FER: variants seen among roughly 807,000 people sequenced by gnomAD.
FER encodes the protein FER tyrosine kinase.
Under a neutral mutation model 111.0 loss-of-function variants are expected in FER, and 63 were observed. The ratio of observed to expected loss-of-function variants is 0.57; its 90% CI spans 0.46 to 0.70. The LOEUF is 0.70. Among genes scored for constraint, FER ranks in the 30% least tolerant of loss-of-function variants. The probability of loss-of-function intolerance (pLI) is 0.00; values close to 1 mark genes in which losing one functional copy is unlikely to be tolerated. For synonymous variants in FER, 327 were observed against 313.9 expected (o/e 1.04, Z -0.44); for missense variants, 914 against 954.0 (o/e 0.96, Z 0.55).
intron 13 of FER, among the ~76,000 whole-genome samples, chr5:109,014,154 G>A (rs1300956962): frequency 1.3e-5 from 2 of 151,330 alleles, no homozygotes; most frequent in South Asian, 2.1e-4. Flanking sequence ...TGAAGTCCTT[G>A]CCCATGCCTA....
intron 16 of FER, among the ~76,000 whole-genome samples, chr5:109,058,201 C>T (rs1312315284): frequency 6.6e-6 from 1 of 152,040 alleles, no homozygotes; most frequent in Non-Finnish European, 1.5e-5. Context: ...AGAAAACTTC[C>T]TCATTATGAT....
At chr5:109,015,205 C>A (rs1247489327) in intron 13 of FER, among the ~76,000 whole-genome samples, 1 of 152,068 alleles carries the variant, frequency 6.6e-6, no homozygotes, top group Non-Finnish European at 1.5e-5. Flanking sequence ...CATGTGCTAG[C>A]CCCTTTGCAG....
At chr5:108,794,370 T>C (rs969237050) in intron 2 of FER, among the ~76,000 whole-genome samples, 4 of 151,770 alleles carry the variant, frequency 2.6e-5, no homozygotes, top group African/African-American at 9.7e-5. Flanking sequence ...TGTGCCCGCC[T>C]CCACGCCCAG....
chr5:109,106,908 G>C (rs1749001574), intron 17 of FER, among the ~76,000 whole-genome samples: 1 of 152,140 alleles, frequency 6.6e-6, no homozygotes, highest in Non-Finnish European at 1.5e-5. Context: ...ACAAAAATGA[G>C]AGATTTGGAG....
chr5:109,010,171 CCTT>C (rs989003105), intron 13 of FER, among the ~76,000 whole-genome samples: 16 of 149,562 alleles, frequency 1.1e-4, no homozygotes, highest in African/African-American at 3.2e-4. Context: ...TCTTTTTTAT[CCTT>C]CTTTTTTTTG....
At chr5:109,132,921 A>G (rs1752513811) in intron 17 of FER, among the ~76,000 whole-genome samples, 1 of 152,150 alleles carries the variant, frequency 6.6e-6, no homozygotes, top group Admixed American at 6.6e-5. Flanking sequence ...AGCAGTTGAG[A>G]GAAGAGCTGT....
At chr5:109,146,741 G>A (rs1448066418) in intron 17 of FER, among the ~76,000 whole-genome samples, 2 of 150,832 alleles carry the variant, frequency 1.3e-5, no homozygotes, top group South Asian at 2.1e-4. Flanking sequence ...TGCCAGAGAT[G>A]CAGTACTGAC....
intron 13 of FER, among the ~76,000 whole-genome samples, chr5:109,034,694 T>G (rs890739686): frequency 1.3e-5 from 2 of 152,150 alleles, no homozygotes; most frequent in Non-Finnish European, 2.9e-5. Context: ...TTTGTGTTTT[T>G]GTTTCTACAT....
chr5:109,147,545 C>A (rs540458296), intron 17 of FER, among the ~76,000 whole-genome samples: 3 of 151,930 alleles, frequency 2.0e-5, no homozygotes, highest in African/African-American at 7.2e-5. Flanking sequence ...AAATATCCAA[C>A]AATCAAGTAT....
chr5:109,081,805 C>T (rs754979277), intron 16 of FER, among the ~76,000 whole-genome samples: 2 of 151,900 alleles, frequency 1.3e-5, no homozygotes, highest in Non-Finnish European at 2.9e-5. Flanking sequence ...AAAATCAATA[C>T]TCCTAAAGTA....
chr5:109,134,721 C>G (rs1188480661), intron 17 of FER, among the ~76,000 whole-genome samples: 3 of 152,238 alleles, frequency 2.0e-5, no homozygotes, highest in Non-Finnish European at 2.9e-5. Context: ...TGGATGAGTT[C>G]ACAATCTGCT....
chr5:108,948,854 A>G (rs1335546575), intron 11 of FER, among the ~76,000 whole-genome samples: 1 of 152,118 alleles, frequency 6.6e-6, no homozygotes, highest in Non-Finnish European at 1.5e-5. Context: ...GCAGTCTTTG[A>G]AAAATATTCT....
intron 13 of FER, chr5:109,014,822 G>A (rs1304787637): frequency 6.6e-6 from 1 of 152,220 alleles, no homozygotes; most frequent in Non-Finnish European, 1.5e-5. Flanking sequence ...GGATTCCTAG[G>A]TATTTTATTC....
intron 6 of FER, among the ~76,000 whole-genome samples, chr5:108,871,051 C>T (rs560709995): frequency 6.6e-5 from 10 of 152,086 alleles, no homozygotes; most frequent in South Asian, 2.1e-4. Context: ...AAAATTTATA[C>T]GAGAATATTT....
chr5:108,951,227 G>A lies in FER; in HGVS notation c.1330-3502G>A, dbSNP rs111561115. On this transcript the variant is annotated intron_variant, in intron 11 of 19. Transcript: ENST00000281092. ...TGCAGTGAGCGGAGATGACGCCATT[G>A]GACTCCAGCCTGGGTGACAGAGCAA... Among the ~76,000 whole-genome samples, 1,242 of 152,064 alleles carry A rather than the reference G, an allele frequency of 8.2e-3. 17 individuals carry two copies. Among genetic ancestry groups the A allele is most frequent in the African/African-American group, 0.028 (1,179 of 41,478 alleles).
intron 17 of FER, among the ~76,000 whole-genome samples, chr5:109,143,649 A>G (rs995853536): frequency 6.6e-6 from 1 of 151,928 alleles, no homozygotes; most frequent in East Asian, 1.9e-4. Context: ...TATAACTATC[A>G]GAAATTGTAC....
intron 16 of FER, among the ~76,000 whole-genome samples, chr5:109,048,451 G>T (rs573021280): frequency 6.6e-6 from 1 of 152,246 alleles, no homozygotes; most frequent in African/African-American, 2.4e-5. Flanking sequence ...CTCAGATTTG[G>T]GAGGTGGGAT....
intron 17 of FER, among the ~76,000 whole-genome samples, chr5:109,116,652 T>G (rs1310643534): frequency 6.6e-6 from 1 of 152,150 alleles, no homozygotes. Context: ...GCTGATGTCA[T>G]TGATTATAGG....
intron 3 of FER, among the ~76,000 whole-genome samples, chr5:108,813,647 A>C (rs952411210): frequency 1.3e-5 from 2 of 151,934 alleles, no homozygotes; most frequent in African/African-American, 4.8e-5. Flanking sequence ...TTCAATGTCT[A>C]ATCTGTTGTT....
Sources: gnomAD v4.1 joint callset for allele counts (sites outside exome capture counted in the v4.1 genomes callset) on GRCh38, gnomAD v4.1.1 for gene constraint, MANE v1.5 for transcripts, NCBI Gene and HGNC (gene_info 2026-07-23, HGNC 2026-07-21) for gene names.